The following AGBL3 variants were observed in gnomAD, a reference collection of about 807,000 sequenced individuals.
The protein encoded by AGBL3 is AGBL carboxypeptidase 3.
AGBL3 carries 68 observed loss-of-function variants against 94.5 expected under a neutral mutation model. That is an observed-to-expected ratio of 0.72 (90% CI 0.59 to 0.88). The LOEUF (loss-of-function observed/expected upper bound fraction) is 0.88. AGBL3 is among the 40% of genes least tolerant of loss of function. AGBL3 has a pLI of 0.00. For missense variants in AGBL3, 934 were observed against 1,103.8 expected (o/e 0.85, Z 2.18); for synonymous variants, 354 against 370.7 (o/e 0.95, Z 0.52).
chr7:135,062,117 G>A (rs2116707705), intron 12 of AGBL3, among the ~76,000 whole-genome samples: 1 of 151,826 alleles, frequency 6.6e-6, no homozygotes, highest in East Asian at 1.9e-4. Context: ...CACTTCCTTG[G>A]TTAAATTTAT....
Position 135,034,915 on chromosome 7 carries a change from A to C in AGBL3, c.1324A>C (p.Asn442His), listed in dbSNP as rs1207996913. 1 of 1,513,242 alleles carries C rather than the reference A, an allele frequency of 6.6e-7. No individual in the cohort carries two copies. 93.7% of individuals were successfully genotyped at this position (1,513,242 alleles called of 1,614,324 possible). ...TTTTCCTTCTGTATGGTATACCCGG[A>C]ACATGGTTCATAGGTAAAATAAGCC... The part of the protein sequence containing the change: ...ESFPSVWYTR[N>H]MVHRLMEKRE... The change falls in exon 7 of 17, where the codon AAC (asparagine) becomes CAC (histidine). Residue 442 changes from asparagine (N) to histidine (H), a missense_variant. By Grantham distance (68) the Asn-to-His change is moderately conservative (BLOSUM62 1). Coordinates refer to ENST00000436302, the MANE Select transcript of AGBL3 (RefSeq NM_178563.4).
chr7:135,131,589 T>C (rs111577043), intron 16 of AGBL3, among the ~76,000 whole-genome samples: 1 of 151,942 alleles, frequency 6.6e-6, no homozygotes, highest in Admixed American at 6.6e-5. Flanking sequence ...TAACTGCATA[T>C]GCTAAAAAAT....
chr7:135,018,373 C>G (rs1318641282), intron 5 of AGBL3, among the ~76,000 whole-genome samples: 27 of 152,204 alleles, frequency 1.8e-4, no homozygotes, highest in Admixed American at 1.8e-3. Flanking sequence ...ACAAGTGCCT[C>G]CCATTGTCCA....
chr7:135,120,400 T>C (rs904245254), intron 16 of AGBL3, among the ~76,000 whole-genome samples: 11 of 152,082 alleles, frequency 7.2e-5, no homozygotes, highest in African/African-American at 2.2e-4. Context: ...AACCAATAAA[T>C]TGTGATAAGT....
At chr7:135,005,888 A>T (rs1812325167) in intron 4 of AGBL3, among the ~76,000 whole-genome samples, 1 of 151,886 alleles carries the variant, frequency 6.6e-6, no homozygotes, top group African/African-American at 2.4e-5. Flanking sequence ...ATCCATAGGA[A>T]GAAAAGAAAG....
At chr7:135,111,973 C>T (rs1825705320) in intron 15 of AGBL3, among the ~76,000 whole-genome samples, 1 of 152,068 alleles carries the variant, frequency 6.6e-6, no homozygotes, top group Admixed American at 6.5e-5. Context: ...TGTCCACTTC[C>T]GATCTCTTTC....
At chr7:135,033,314 A>G (rs1376971338) in intron 6 of AGBL3, among the ~76,000 whole-genome samples, 1 of 152,208 alleles carries the variant, frequency 6.6e-6, no homozygotes, top group Non-Finnish European at 1.5e-5. Context: ...GCATTATTTT[A>G]TTTAAAAATA....
chr7:135,118,289 C>T (rs912723489), intron 16 of AGBL3, among the ~76,000 whole-genome samples: 5 of 152,128 alleles, frequency 3.3e-5, no homozygotes, highest in Admixed American at 2.0e-4. Context: ...TTTCTAGATT[C>T]AAAGTATTAA....
intron 16 of AGBL3, chr7:135,128,761 G>A: frequency 1.5e-6 from 2 of 1,351,472 alleles, no homozygotes; most frequent in East Asian, 4.6e-5. Flanking sequence ...TCCCAACACA[G>A]AGCTAGATTT....
intron 12 of AGBL3, among the ~76,000 whole-genome samples, chr7:135,064,755 T>C (rs1819133805): frequency 6.6e-6 from 1 of 152,224 alleles, no homozygotes; most frequent in African/African-American, 2.4e-5. Flanking sequence ...CTTAATTTTG[T>C]TCTCTAGCTA....
chr7:135,081,161 A>T (rs1396788869), intron 14 of AGBL3, among the ~76,000 whole-genome samples: 4 of 152,084 alleles, frequency 2.6e-5, no homozygotes, highest in Non-Finnish European at 5.9e-5. Context: ...TTCTTTTGTT[A>T]ACATTTTAAT....
chr7:135,108,823 A>T (rs1585164184), intron 15 of AGBL3, among the ~76,000 whole-genome samples: 3 of 152,306 alleles, frequency 2.0e-5, no homozygotes, highest in Non-Finnish European at 4.4e-5. Flanking sequence ...GATGCAAATG[A>T]TTCATAAATT....
intron 4 of AGBL3, among the ~76,000 whole-genome samples, chr7:134,999,353 C>T (rs1220457113): frequency 7.9e-5 from 12 of 152,178 alleles, no homozygotes; most frequent in Admixed American, 3.9e-4. Flanking sequence ...GTGTGTGCCA[C>T]CTGCTCCCCA....
chr7:135,000,219 T>A (rs926362613), intron 4 of AGBL3, among the ~76,000 whole-genome samples: 3 of 152,214 alleles, frequency 2.0e-5, no homozygotes, highest in Non-Finnish European at 4.4e-5. Context: ...AGTATAATGG[T>A]TAATTTTATG....
chr7:134,999,079 G>A (rs1304810103), intron 4 of AGBL3, among the ~76,000 whole-genome samples: 6 of 152,060 alleles, frequency 3.9e-5, no homozygotes, highest in Admixed American at 6.5e-5. Context: ...TAAACCACTA[G>A]TCCATTTTGA....
intron 12 of AGBL3, among the ~76,000 whole-genome samples, chr7:135,060,342 T>C (rs909036441): frequency 1.3e-5 from 2 of 152,224 alleles, no homozygotes; most frequent in Non-Finnish European, 2.9e-5. Flanking sequence ...CATTGTGGAA[T>C]GGTGAAATTG....
chr7:135,054,165 A>G (rs1329484360), intron 11 of AGBL3, among the ~76,000 whole-genome samples: 2 of 152,206 alleles, frequency 1.3e-5, no homozygotes, highest in African/African-American at 2.4e-5. Flanking sequence ...AAGGCCTACA[A>G]TGAATTAACC....
intron 15 of AGBL3, 32 bp downstream of exon 15, chr7:135,081,822 G>C: frequency 7.2e-7 from 1 of 1,383,382 alleles, no homozygotes; most frequent in Non-Finnish European, 1.0e-6. Context: ...ACAGTAATGA[G>C]TGGTCCCCTA....
At chr7:135,014,298 T>A (rs942114608) in intron 4 of AGBL3, among the ~76,000 whole-genome samples, 1 of 151,676 alleles carries the variant, frequency 6.6e-6, no homozygotes, top group East Asian at 1.9e-4. Context: ...AGCTATACTT[T>A]TAACTTTTAC....
Sources: gnomAD v4.1 joint callset for allele counts (sites outside exome capture counted in the v4.1 genomes callset) on GRCh38, gnomAD v4.1.1 for gene constraint, MANE v1.5 for transcripts, NCBI Gene and HGNC (gene_info 2026-07-23, HGNC 2026-07-21) for gene names.